Variants in PLXNB3 observed in about 807,000 individuals in gnomAD.
The protein encoded by PLXNB3 is plexin B3.
PLXNB3 carries 80 observed loss-of-function variants against 125.7 expected under a neutral mutation model. The observed-to-expected ratio is 0.64, with a 90% CI of 0.53 to 0.77. PLXNB3 has a LOEUF of 0.77. Ranked by LOEUF, PLXNB3 falls within the 30% of genes least tolerant of loss-of-function variation. The pLI is 0.00. For missense variants in PLXNB3, 1,836 were observed against 1,729.3 expected (o/e 1.06, Z -1.09); for synonymous variants, 954 against 783.3 (o/e 1.22, Z -3.64).
chrX:153,777,401 T>G, intron 30 of PLXNB3, 21 bp downstream of exon 30: 2 of 1,185,775 alleles, frequency 1.7e-6, no homozygotes, highest in Non-Finnish European at 2.3e-6. Context: ...CCTGGGTGGC[T>G]GGGCCTGAGA....
chrX:153,774,787 G>A lies in PLXNB3; in HGVS notation c.3912G>A (p.Gln1304=). ...GCCTGGAGACCGGCGTGGGAGACCAGTGCCGCAAGGAGTTCACAGGTGGGT... is the reference window on the plus strand; with the variant it reads ...GCCTGGAGACCGGCGTGGGAGACCAATGCCGCAAGGAGTTCACAGGTGGGT... The part of the protein sequence containing the change: ...LESLETGVGD[Q]CRKEFTDLMT... The change falls in exon 23 of 36, where the codon CAG becomes CAA. Residue 1304 remains glutamine (Q), a synonymous_variant. Transcript: ENST00000361971. The A allele has an allele frequency of 8.3e-7, 1 of 1,208,303 alleles. No individual in the cohort carries two copies. Among genetic ancestry groups the A allele is most frequent in the Non-Finnish European group, 1.1e-6 (1 of 893,780 alleles).
chrX:153,771,438 G>C (rs1351331146), intron 13 of PLXNB3, 35 bp downstream of exon 13: 8 of 1,207,051 alleles, frequency 6.6e-6, no homozygotes, highest in Non-Finnish European at 7.8e-6. Context: ...GCGGGGCAGG[G>C]TGGGTGGCAG....
Position 153,774,306 on chromosome X carries a change from C to A in PLXNB3, c.3640C>A (p.Pro1214Thr). The change falls in exon 21 of 36, where the codon CCG (proline) becomes ACG (threonine). Residue 1214 changes from proline to threonine, a missense_variant. Coordinates refer to ENST00000361971, the MANE Select transcript of PLXNB3 (RefSeq NM_005393.3). ...HLYCEPPAHA[P>T]QPANGSGLPQ... is the part of the protein sequence containing the mutation. ...GTACTGCGAGCCGCCTGCGCACGCC[C>A]CGCAGCCTGCCAATGGCTCCGGCCT... 1 of 1,163,153 alleles carries A rather than the reference C, an allele frequency of 8.6e-7. No homozygotes were observed. Among genetic ancestry groups the A allele is most frequent in the East Asian group, 3.2e-5 (1 of 31,248 alleles).
At chrX:153,777,150 G>A in intron 29 of PLXNB3, 58 bp from the exon 30 acceptor site, 1 of 1,095,544 alleles carries the variant, frequency 9.1e-7, no homozygotes, top group Non-Finnish European at 1.2e-6. Flanking sequence ...GAGTGGACTG[G>A]GCATCCCAGG....
At chrX:153,766,612 TGTGCTTGTGC>T in intron 2 of PLXNB3, 1 of 1,059,301 alleles carries the variant, frequency 9.4e-7, no homozygotes, top group East Asian at 3.5e-5. Flanking sequence ...TCTGTCCTTG[TGTGCTTGTGC>T]GTGCGTGCAT....
At position 153,774,723 on chromosome X, in the gene PLXNB3, C is replaced by G. The variant is rs1557063389; in HGVS notation, c.3848C>G (p.Ala1283Gly). 8.5e-7 allele frequency: 1 copy of G among 1,174,606 alleles called. No homozygotes were observed. Among genetic ancestry groups the G allele is most frequent in the Admixed American group, 2.4e-5 (1 of 42,123 alleles). The part of the protein sequence containing the change: ...TLMYRHKSKQ[A>G]LRDYQKVLVQ... ...GGCTGCAGGCACAAGAGCAAGCAGGCCCTGCGGGACTACCAGAAGGTGCTA... is the reference window on the plus strand; with the variant it reads ...GGCTGCAGGCACAAGAGCAAGCAGGGCCTGCGGGACTACCAGAAGGTGCTA... Residue 1283 changes from alanine to glycine, a missense_variant, in exon 23 of 36, where the codon GCC (alanine) becomes GGC (glycine). Transcript: ENST00000361971.
chrX:153,766,489 T>C, intron 2 of PLXNB3: 3 of 974,444 alleles, frequency 3.1e-6, no homozygotes, highest in Non-Finnish European at 3.9e-6. Flanking sequence ...CTGCCCTCTC[T>C]CCATCCCTGC....
Position 153,779,288 on chromosome X carries a change from G to C in PLXNB3, c.*249G>C, listed in dbSNP as rs1318191380. The C allele has an allele frequency of 2.3e-5, 6 of 260,230 alleles. No individual in the cohort carries two copies. The highest frequency in any genetic ancestry group is 2.0e-4 in the African/African-American group (6 of 29,984). The allele number at this position is 260,230 out of a possible 1,213,427, so 21.4% of individuals were successfully genotyped here. A position where few individuals can be genotyped will look rare whatever the true frequency, so the allele number is the denominator to read the frequency against. Reference sequence around the variant, plus strand: ...CCCCCTCTCCCCATTGTATTTATTTGCCTGCTGGAAAATCACATCCGGAAA... The same window carrying C: ...CCCCCTCTCCCCATTGTATTTATTTCCCTGCTGGAAAATCACATCCGGAAA... On this transcript the variant is annotated 3_prime_UTR_variant, in exon 36 of 36. Coordinates refer to ENST00000361971, the MANE Select transcript of PLXNB3 (RefSeq NM_005393.3).
In PLXNB3 at chrX:153,777,235, A is replaced by G. The variant is rs1569542197; in HGVS notation, c.4955A>G (p.Glu1652Gly). The change falls in exon 30 of 36, where the codon GAG (glutamate) becomes GGG (glycine). Residue 1652 changes from glutamate (E) to glycine (G), a missense_variant. By Grantham distance (98) the Glu-to-Gly change is moderately conservative. Transcript: ENST00000361971. ...ENIPTLEDGEEGGVCLWHLVK... is the reference protein window; with the variant it reads ...ENIPTLEDGEGGGVCLWHLVK... ...ATACCCACGCTGGAGGATGGCGAGG[A>G]GGGGGGGGTGTGCCTCTGGCACCTG... The G allele has an allele frequency of 8.6e-7, 1 of 1,162,816 alleles. No homozygotes were observed. The highest frequency in any genetic ancestry group is 1.2e-6 in the Non-Finnish European group (1 of 868,569).
At position 153,768,927 on chromosome X, in the gene PLXNB3, C is replaced by T. The variant is rs200658411; in HGVS notation, c.1267-21C>T. ...AACCTTTGGCCATCTGGCCCAGCCT[C>T]GTCCTTGTCCCCCCACTCAGGTCTT... On this transcript the variant is annotated intron_variant, in intron 4 of 35. Coordinates refer to ENST00000361971, the MANE Select transcript of PLXNB3 (RefSeq NM_005393.3). 314 of 1,205,413 alleles carry T rather than the reference C, an allele frequency of 2.6e-4. 1 individual carries two copies. Among genetic ancestry groups the T allele is most frequent in the Middle Eastern group, 2.6e-3 (11 of 4,310 alleles).
In PLXNB3 at chrX:153,778,657, C is replaced by T. The variant is rs149060321; in HGVS notation, c.5608C>T (p.His1870Tyr). Reference sequence around the variant, plus strand: ...TCTGCAAGAACTCTACAACCACATCCACAGGTACTATGATCAGGTGAGGCC... The same window carrying T: ...TCTGCAAGAACTCTACAACCACATCTACAGGTACTATGATCAGGTGAGGCC... ...EALQELYNHI[H>Y]RYYDQIISAL... Residue 1870 changes from histidine to tyrosine, a missense_variant, in exon 35 of 36, where the codon CAC becomes TAC. His to Tyr is a moderately conservative substitution (Grantham distance 83). Coordinates refer to ENST00000361971, the MANE Select transcript of PLXNB3 (RefSeq NM_005393.3). 68 of 1,202,730 alleles carry T rather than the reference C, an allele frequency of 5.7e-5. No homozygotes were observed. The highest frequency in any genetic ancestry group is 5.6e-4 in the South Asian group (31 of 55,704).
intron 4 of PLXNB3, among the ~76,000 whole-genome samples, chrX:153,768,665 G>A (rs890705172): frequency 4.5e-5 from 5 of 112,298 alleles, no homozygotes; most frequent in African/African-American, 1.6e-4. Flanking sequence ...GGTGCCTCCT[G>A]GTGACCTTCC....
Position 153,771,896 on chromosome X carries a change from C to A in PLXNB3, c.2550C>A (p.Gly850=). 1 of 1,209,402 alleles carries A rather than the reference C, an allele frequency of 8.3e-7. No homozygotes were observed. Among genetic ancestry groups the A allele is most frequent in the Middle Eastern group, 2.3e-4 (1 of 4,308 alleles). ...CCCTGACCGGTCCCCCTGAGGGAGG[C>A]TTGGCCCTCACCATCCTGGGCTCCA... ...VEPLTGPPEG[G]LALTILGSNL... is the part of the protein sequence containing the mutation. The change falls in exon 15 of 36, where the codon GGC becomes GGA. Residue 850 remains glycine, a synonymous_variant. Transcript: ENST00000361971.
At position 153,776,138 on chromosome X, in the gene PLXNB3, CAAG is replaced by C; in HGVS notation, c.4654_4656del (p.Lys1552del). ...TCGACACGGACACCATCACCCAGGT[CAAG>C]GAGAAGGTGTTGGACCAAGTCTACA... On this transcript the variant is annotated inframe_deletion, in exon 27 of 36. Transcript: ENST00000361971. The C allele has an allele frequency of 8.3e-7, 1 of 1,204,135 alleles. No individual in the cohort carries two copies. The highest frequency in any genetic ancestry group is 3.0e-5 in the East Asian group (1 of 33,411).
Position 153,771,481 on chromosome X carries a change from C to T in PLXNB3, c.2348-5C>T. 8.3e-7 allele frequency: 1 copy of T among 1,206,469 alleles called. No homozygotes were observed. Among genetic ancestry groups the T allele is most frequent in the South Asian group, 1.8e-5 (1 of 56,438 alleles). On this transcript the variant is annotated splice_polypyrimidine_tract_variant and splice_region_variant and intron_variant, in intron 13 of 35. Coordinates refer to ENST00000361971, the MANE Select transcript of PLXNB3 (RefSeq NM_005393.3). ...GCGCTCAGCACACTGCCTGACCCTC[C>T]CTAGTGATCCTGTACGACTGCGCCA...
rs781973650 is a variant in PLXNB3 at position 153,772,118 on chromosome X, G to C, written c.2670-64G>C. Reference sequence around the variant, plus strand: ...AAGAAACCTGGGGCACTCGGGTCAGGGGAGGGGTGGGCTGTCCCCTCCGTC... The same window carrying C: ...AAGAAACCTGGGGCACTCGGGTCAGCGGAGGGGTGGGCTGTCCCCTCCGTC... On this transcript the variant is annotated intron_variant, in intron 15 of 35. Transcript: ENST00000361971. 1.9e-4 allele frequency: 216 copies of C among 1,123,672 alleles called. 1 individual carries two copies. In the Admixed American group the frequency reaches 2.3e-3, roughly 12 times the overall value. The allele number at this position is 1,123,672 out of a possible 1,213,427, so 92.6% of individuals were successfully genotyped here.
intron 16 of PLXNB3, chrX:153,772,567 G>C: frequency 1.7e-6 from 1 of 589,539 alleles, no homozygotes; most frequent in Non-Finnish European, 2.4e-6. Flanking sequence ...TCTGCCCAAA[G>C]AGGCAACTGG....
chrX:153,774,602 C>T, intron 22 of PLXNB3, 31 bp downstream of exon 22: 1 of 1,175,521 alleles, frequency 8.5e-7, no homozygotes, highest in Non-Finnish European at 1.1e-6. Context: ...GCACACTTCC[C>T]TCCTCGCCAT....
At position 153,774,479 on chromosome X, in the gene PLXNB3, G is replaced by T. The variant is rs373601261; in HGVS notation, c.3738G>T (p.Pro1246=). ...LGPVQYEAEP[P]LSAFPVEAQA... ...CTGTGCAGTACGAGGCTGAACCCCC[G>T]CTGTCTGCCTTTCCCGTGGAGGCCC... Residue 1246 remains proline (P), a synonymous_variant, in exon 22 of 36, where the codon CCG becomes CCT. Coordinates refer to ENST00000361971, the MANE Select transcript of PLXNB3 (RefSeq NM_005393.3). The T allele has an allele frequency of 8.3e-7, 1 of 1,206,030 alleles. No homozygotes were observed. Among genetic ancestry groups the T allele is most frequent in the Admixed American group, 2.2e-5 (1 of 45,631 alleles).
Sources: allele counts gnomAD v4.1 joint callset (sites outside exome capture counted in the v4.1 genomes callset), GRCh38; gene constraint gnomAD v4.1.1; transcripts MANE v1.5; gene names NCBI Gene and HGNC (gene_info 2026-07-23, HGNC 2026-07-21).